CRTC3: variants seen among roughly 807,000 people sequenced by gnomAD.
CRTC3 encodes the protein CREB regulated transcription coactivator 3.
In CRTC3, 26 loss-of-function variants were observed where a neutral mutation model predicts 74.5. The observed-to-expected ratio is 0.35, with a 90% CI of 0.26 to 0.48. The LOEUF is 0.48. CRTC3 is among the 20% of genes least tolerant of loss of function. The probability of loss-of-function intolerance (pLI) is 0.99; values close to 1 mark genes in which losing one functional copy is unlikely to be tolerated. For missense variants in CRTC3, 760 were observed against 787.3 expected (o/e 0.97, Z 0.41); for synonymous variants, 377 against 325.8 (o/e 1.16, Z -1.69).
intron 11 of CRTC3, among the ~76,000 whole-genome samples, chr15:90,633,096 G>T (rs1186656082): frequency 6.6e-6 from 1 of 152,180 alleles, no homozygotes; most frequent in East Asian, 1.9e-4. Flanking sequence ...TTTGGTTAGA[G>T]CAATACTCAA....
rs140806356 is a variant in CRTC3 at position 90,638,548 on chromosome 15, C to A, written c.1369C>A (p.Pro457Thr). 4.0e-5 allele frequency: 65 copies of A among 1,613,010 alleles called. No individual in the cohort carries two copies. The African/African-American group carries it at 5.3e-4, about 13-fold the overall frequency. ...CCCTGCACCCCAGGAGCTCACCCAG[C>A]CCCTCCTGCAGCAGCCCCGCGCCCC... is the stretch of plus-strand genomic sequence containing the variant. ...PYPAPQELTQ[P>T]LLQQPRAPEA... The change falls in exon 12 of 15, where the codon CCC (proline) becomes ACC (threonine). Residue 457 changes from proline to threonine, a missense_variant. Physicochemically the swap from Pro to Thr is conservative, Grantham distance 38. This residue lies in a region of CRTC3 where 652 missense variants were observed against 635.2 expected (regional missense o/e 1.03). Coordinates refer to ENST00000268184, the MANE Select transcript of CRTC3 (RefSeq NM_022769.5).
At chr15:90,619,931 G>T in intron 9 of CRTC3, 141 bp downstream of exon 9, 2 of 672,612 alleles carry the variant, frequency 3.0e-6, no homozygotes, top group South Asian at 3.6e-5. Context: ...CATAAAAACA[G>T]CCACTCTCTT....
At position 90,642,047 on chromosome 15, in the gene CRTC3, C is replaced by T. The variant is rs750639755; in HGVS notation, c.1767C>T (p.Pro589=). 8.7e-6 allele frequency: 14 copies of T among 1,613,976 alleles called. No individual in the cohort carries two copies. The highest frequency in any genetic ancestry group is 1.2e-5 in the Non-Finnish European group (14 of 1,180,012). ...TGGAAGAGGAGCTGCAGATTGAACC[C>T]CTGAGCCTGGACGGACTCAACATGT... ...FPLEEELQIE[P]LSLDGLNMLS... The change falls in exon 15 of 15, where the codon CCC becomes CCT. Residue 589 remains proline (P), a synonymous_variant. Coordinates refer to ENST00000268184, the MANE Select transcript of CRTC3 (RefSeq NM_022769.5).
At chr15:90,633,737 A>G (rs1410589374) in intron 11 of CRTC3, among the ~76,000 whole-genome samples, 1 of 149,318 alleles carries the variant, frequency 6.7e-6, no homozygotes, top group East Asian at 2.0e-4. Context: ...AATGTTGACT[A>G]TCCTGGACTT....
chr15:90,541,789 TC>T (rs200714405), intron 2 of CRTC3, among the ~76,000 whole-genome samples: 5,166 of 139,810 alleles, frequency 0.037, 649 homozygotes, highest in African/African-American at 0.13. Context: ...ATTCTTTTTT[TC>T]TTTTTTTTTT....
At chr15:90,570,626 A>G (rs570017116) in intron 2 of CRTC3, among the ~76,000 whole-genome samples, 8 of 152,168 alleles carry the variant, frequency 5.3e-5, no homozygotes, top group Non-Finnish European at 1.2e-4. Flanking sequence ...TTTAAAAACC[A>G]TGGCTCACAC....
rs1163855404 is a variant in CRTC3, at chr15:90,629,660, C to T, written c.1266+128C>T. 12 of 815,332 alleles carry T rather than the reference C, an allele frequency of 1.5e-5. No individual in the cohort carries two copies. The Admixed American group carries it at 1.5e-4, about 10-fold the overall frequency. 50.5% of individuals were successfully genotyped at this position (815,332 alleles called of 1,614,324 possible). A position where few individuals can be genotyped will look rare whatever the true frequency, so the allele number is the denominator to read the frequency against. On this transcript the variant is annotated intron_variant, in intron 11 of 14. Coordinates refer to ENST00000268184, the MANE Select transcript of CRTC3 (RefSeq NM_022769.5). ...CCAAGCACCCATGAGGTCTCAAGTG[C>T]AGTCTGTTCGCTCTTATATGTGAAA...
chr15:90,634,842 A>T (rs1969174280), intron 11 of CRTC3: 2 of 1,535,820 alleles, frequency 1.3e-6, no homozygotes, highest in Non-Finnish European at 1.8e-6. Context: ...ATCTCAAGGA[A>T]AAGTATTGCA....
chr15:90,586,186 A>G (rs934002391), intron 2 of CRTC3, among the ~76,000 whole-genome samples: 2 of 152,084 alleles, frequency 1.3e-5, no homozygotes, highest in Admixed American at 6.5e-5. Flanking sequence ...GAAGCTACTA[A>G]GAGTTGTCTT....
At chr15:90,546,859 G>A (rs777593596) in intron 2 of CRTC3, among the ~76,000 whole-genome samples, 48 of 152,072 alleles carry the variant, frequency 3.2e-4, no homozygotes, top group Non-Finnish European at 5.6e-4. Context: ...TCCTGACCTC[G>A]TGATCCACCC....
Position 90,530,176 on chromosome 15 carries a change from G to A in CRTC3, c.105G>A (p.Gln35=), listed in dbSNP as rs1231440010. ...RQAEETRAFE[Q]LMTDLTLSRV... ...CCGAGGAGACGCGGGCCTTCGAGCAGCTCATGACCGACCTCACCCTGTCGC... is the reference window on the plus strand; with the variant it reads ...CCGAGGAGACGCGGGCCTTCGAGCAACTCATGACCGACCTCACCCTGTCGC... The change falls in exon 1 of 15, where the codon CAG becomes CAA. Residue 35 remains glutamine (Q), a synonymous_variant. Transcript: ENST00000268184. The surrounding 1 kb of genome is among the most constrained non-coding windows in gnomAD (Gnocchi z 6.2). The A allele has an allele frequency of 3.6e-6, 5 of 1,377,764 alleles. No homozygotes were observed. The highest frequency in any genetic ancestry group is 4.8e-6 in the Non-Finnish European group (5 of 1,043,788). The allele number at this position is 1,377,764 out of a possible 1,614,324, so 85.3% of individuals were successfully genotyped here.
chr15:90,620,112 A>C (rs1596131311), intron 9 of CRTC3: 1 of 308,030 alleles, frequency 3.2e-6, no homozygotes, highest in Non-Finnish European at 6.1e-6. Context: ...AGAGGAGCCT[A>C]CCAGCCCCGA....
chr15:90,633,182 T>G (rs182954925), intron 11 of CRTC3, among the ~76,000 whole-genome samples: 176 of 152,332 alleles, frequency 1.2e-3, no homozygotes, highest in African/African-American at 4.2e-3. Flanking sequence ...ATGAGAATTT[T>G]TTTTCCTCTT....
At chr15:90,577,856 A>C (rs1967442926) in intron 2 of CRTC3, among the ~76,000 whole-genome samples, 1 of 152,182 alleles carries the variant, frequency 6.6e-6, no homozygotes, top group African/African-American at 2.4e-5. Flanking sequence ...ATTGGTGGCT[A>C]CCAGAGGCCA....
intron 2 of CRTC3, among the ~76,000 whole-genome samples, chr15:90,561,774 G>A (rs1294912470): frequency 2.0e-5 from 3 of 152,154 alleles, no homozygotes; most frequent in Non-Finnish European, 4.4e-5. Context: ...CCAAAGTTTT[G>A]TTCCAATTCC....
intron 10 of CRTC3, among the ~76,000 whole-genome samples, chr15:90,627,722 C>A (rs540336725): frequency 6.8e-4 from 102 of 150,906 alleles, no homozygotes; most frequent in African/African-American, 2.2e-3. Context: ...CCTAGGTTCA[C>A]GCCATTCTCC....
intron 2 of CRTC3, among the ~76,000 whole-genome samples, chr15:90,580,077 A>G (rs1172597179): frequency 2.0e-5 from 3 of 152,366 alleles, no homozygotes; most frequent in African/African-American, 7.2e-5. Flanking sequence ...ATTCACTAAT[A>G]AATATTTCTC....
At chr15:90,616,339 A>G (rs925192492) in intron 7 of CRTC3, among the ~76,000 whole-genome samples, 1 of 152,190 alleles carries the variant, frequency 6.6e-6, no homozygotes, top group African/African-American at 2.4e-5. Flanking sequence ...ACCGCTACCC[A>G]TACTTAATTC....
intron 8 of CRTC3, chr15:90,618,225 C>T (rs1487131631): frequency 4.2e-6 from 1 of 239,256 alleles, no homozygotes; most frequent in East Asian, 8.8e-5. Context: ...AAAAAAAACC[C>T]TGCTAAGTCC....
Sources: gnomAD v4.1 joint callset for allele counts (sites outside exome capture counted in the v4.1 genomes callset) on GRCh38, gnomAD v4.1.1 for gene constraint, gnomAD v4.1.1 regional missense constraint, Gnocchi (gnomAD v3.1) non-coding constraint, MANE v1.5 for transcripts, NCBI Gene and HGNC (gene_info 2026-07-23, HGNC 2026-07-21) for gene names.